The following SLC2A13 variants were observed in gnomAD, a reference collection of about 807,000 sequenced individuals.
SLC2A13 encodes the protein proton myo-inositol cotransporter.
Under a neutral mutation model 64.4 loss-of-function variants are expected in SLC2A13, and 32 were observed. That is an observed-to-expected ratio of 0.50 (90% CI 0.37 to 0.67). The LOEUF is 0.67. SLC2A13 is among the 30% of genes least tolerant of loss of function. SLC2A13 has a pLI of 0.00. For missense variants in SLC2A13, 743 were observed against 829.2 expected, an observed-to-expected ratio of 0.90 and a Z score of 1.28; for synonymous variants, 338 against 327.1, an observed-to-expected ratio of 1.03 and a Z score of -0.36.
intron 3 of SLC2A13, among the ~76,000 whole-genome samples, chr12:40,017,892 C>A (rs1441216995): frequency 6.8e-6 from 1 of 147,710 alleles, no homozygotes. Context: ...TACACGTGGA[C>A]ACAAACATTG....
At chr12:40,051,703 A>G (rs766223575) in intron 1 of SLC2A13, among the ~76,000 whole-genome samples, 2 of 152,170 alleles carry the variant, frequency 1.3e-5, no homozygotes, top group Non-Finnish European at 2.9e-5. Context: ...CAATCAGATC[A>G]GCTTAGGTAA....
chr12:39,809,874 A>G (rs1450969006), intron 7 of SLC2A13, among the ~76,000 whole-genome samples: 1 of 152,210 alleles, frequency 6.6e-6, no homozygotes, highest in Non-Finnish European at 1.5e-5. Flanking sequence ...TCCATGGTGT[A>G]TATATGCCAC....
chr12:39,887,063 AAG>A (rs1400800905), intron 4 of SLC2A13, among the ~76,000 whole-genome samples: 1 of 152,230 alleles, frequency 6.6e-6, no homozygotes, highest in African/African-American at 2.4e-5. Context: ...AGAGTAAAAA[AAG>A]AGACTGTTAT....
rs1408997326 is a variant in SLC2A13 at position 39,757,242 on chromosome 12, A to G, written c.*2784T>C. The G allele has an allele frequency of 2.6e-5, 4 of 151,824 alleles. No homozygotes were observed. The highest frequency in any genetic ancestry group is 5.9e-5 in the Non-Finnish European group (4 of 67,718). 9.4% of individuals were successfully genotyped at this position (151,824 alleles called of 1,614,324 possible). On this transcript the variant is annotated 3_prime_UTR_variant, in exon 10 of 10. Transcript: ENST00000280871. Reference sequence around the variant, plus strand: ...CATAATATACCTCTATCAAATCTGCAGCATGTTTCAAAGGAAGTCTGTAAT... The same window carrying G: ...CATAATATACCTCTATCAAATCTGCGGCATGTTTCAAAGGAAGTCTGTAAT...
At chr12:39,947,240 G>A (rs1287518168) in intron 4 of SLC2A13, among the ~76,000 whole-genome samples, 2 of 152,144 alleles carry the variant, frequency 1.3e-5, no homozygotes, top group African/African-American at 2.4e-5. Context: ...CTCTTTATCC[G>A]AAGCAAACTC....
chr12:39,854,884 T>A (rs916704508), intron 6 of SLC2A13, among the ~76,000 whole-genome samples: 14 of 152,186 alleles, frequency 9.2e-5, no homozygotes, highest in Admixed American at 5.9e-4. Flanking sequence ...TTTTCATTGG[T>A]CTGAGAAACT....
chr12:39,829,485 C>G lies in SLC2A13; in HGVS notation c.1445+618G>C, dbSNP rs1446654169. On this transcript the variant is annotated intron_variant, in intron 7 of 9. Transcript: ENST00000280871. ...GCAGTGGTTTGATCTCAGCTCACTG[C>G]AATCTCTATCTCCCAGGTTCAAGTG... 2.3e-5 allele frequency: 2 copies of G among 86,070 alleles called. 1 individual carries two copies. The highest frequency in any genetic ancestry group is 7.9e-4 in the East Asian group (2 of 2,516). 5.3% of individuals were successfully genotyped at this position (86,070 alleles called of 1,614,324 possible).
chr12:40,101,153 A>T (rs1316418245), intron 1 of SLC2A13, among the ~76,000 whole-genome samples: 1 of 152,020 alleles, frequency 6.6e-6, no homozygotes, highest in Non-Finnish European at 1.5e-5. Context: ...AATAAACTAG[A>T]GGAACCAAAG....
intron 6 of SLC2A13, among the ~76,000 whole-genome samples, chr12:39,859,783 C>A (rs1180140132): frequency 1.3e-5 from 2 of 152,112 alleles, no homozygotes; most frequent in Non-Finnish European, 1.5e-5. Flanking sequence ...GACTTGGCCT[C>A]CCAAAGTGCT....
chr12:39,835,363 C>T (rs564041748), intron 6 of SLC2A13, among the ~76,000 whole-genome samples: 26 of 152,180 alleles, frequency 1.7e-4, no homozygotes, highest in African/African-American at 6.3e-4. Flanking sequence ...TATTAGAATG[C>T]TGCAACTTCT....
chr12:39,811,186 G>A (rs780197666), intron 7 of SLC2A13, among the ~76,000 whole-genome samples: 2 of 151,994 alleles, frequency 1.3e-5, no homozygotes, highest in Non-Finnish European at 2.9e-5. Flanking sequence ...ATAATAGAAA[G>A]TTGGGTCTCC....
chr12:39,831,618 C>G (rs144938045), intron 6 of SLC2A13, among the ~76,000 whole-genome samples: 1 of 152,000 alleles, frequency 6.6e-6, no homozygotes, highest in Non-Finnish European at 1.5e-5. Flanking sequence ...ATTGTAATCC[C>G]CAAAGTTGGA....
At chr12:39,895,513 AT>A (rs1944731562) in intron 4 of SLC2A13, among the ~76,000 whole-genome samples, 4 of 3,396 alleles carry the variant, frequency 1.2e-3, no homozygotes, top group African/African-American at 3.0e-3. Context: ...AAAAAAAAAA[AT>A]TATATATATA....
rs1410839311 is a variant in SLC2A13, at chr12:39,895,627, C to CATATATGTATATATGTGT, written c.1035-23667_1035-23666insACACATATATACATATAT. On this transcript the variant is annotated intron_variant, in intron 4 of 9. Transcript: ENST00000280871. ...ACGTATATACACATATATACGTACACACATATGTATATGCGTGTATACGTA... is the reference window on the plus strand; with the variant it reads ...ACGTATATACACATATATACGTACACATATATGTATATATGTGTACATATGTATATGCGTGTATACGTA... 4.5e-4 allele frequency among the ~76,000 whole-genome samples: 45 copies of CATATATGTATATATGTGT among 99,102 alleles called. 1 individual carries two copies. The highest frequency in any genetic ancestry group is 6.0e-4 in the African/African-American group (16 of 26,788). The allele number at this position is 99,102 out of a possible 152,430, so 65.0% of individuals were successfully genotyped here.
intron 3 of SLC2A13, among the ~76,000 whole-genome samples, chr12:40,019,440 G>A (rs948862719): frequency 1.3e-5 from 2 of 152,160 alleles, no homozygotes; most frequent in African/African-American, 4.8e-5. Flanking sequence ...AGCAGAACAG[G>A]GAGAAGCTGG....
Position 39,841,071 on chromosome 12 carries a change from A to T in SLC2A13, c.1320-10843T>A, listed in dbSNP as rs115355224. Among the ~76,000 whole-genome samples the T allele has an allele frequency of 7.6e-3, 1,161 of 152,184 alleles. 22 individuals are homozygous for T. Among genetic ancestry groups the T allele is most frequent in the African/African-American group, 0.027 (1,102 of 41,534 alleles). On this transcript the variant is annotated intron_variant, in intron 6 of 9. Transcript: ENST00000280871. ...ATACATGACCATCTGGAACTCTGTA[A>T]AAGAGTCATATTTCTCACCTCTTCC...
chr12:39,935,240 ATAAAT>A (rs1294271337), intron 4 of SLC2A13, among the ~76,000 whole-genome samples: 1 of 152,164 alleles, frequency 6.6e-6, no homozygotes, highest in African/African-American at 2.4e-5. Context: ...GAAGGGAAAA[ATAAAT>A]AAATAAATAA....
In SLC2A13 at chr12:39,759,987, C is replaced by T. The variant is rs765259061; in HGVS notation, c.*39G>A. The T allele has an allele frequency of 9.3e-6, 14 of 1,512,704 alleles. No homozygotes were observed. In the African/African-American group the frequency reaches 1.2e-4, roughly 13 times the overall value. The allele number at this position is 1,512,704 out of a possible 1,614,324, so 93.7% of individuals were successfully genotyped here. Reference sequence around the variant, plus strand: ...TCACCAATTGCTGTTCTTCTCCCCCCAGTTTGTTTAAATAACTAAATATAT... The same window carrying T: ...TCACCAATTGCTGTTCTTCTCCCCCTAGTTTGTTTAAATAACTAAATATAT... On this transcript the variant is annotated 3_prime_UTR_variant, in exon 10 of 10. Coordinates refer to ENST00000280871, the MANE Select transcript of SLC2A13 (RefSeq NM_052885.4).
chr12:39,993,324 T>C (rs1271617383), intron 3 of SLC2A13, among the ~76,000 whole-genome samples: 1 of 152,252 alleles, frequency 6.6e-6, no homozygotes, highest in Non-Finnish European at 1.5e-5. Flanking sequence ...TTTATGGCAA[T>C]CCTATTTTAG....
Sources: allele counts gnomAD v4.1 joint callset (sites outside exome capture counted in the v4.1 genomes callset), GRCh38; gene constraint gnomAD v4.1.1; transcripts MANE v1.5; gene names NCBI Gene and HGNC (gene_info 2026-07-23, HGNC 2026-07-21).